Variants in ZNF487 observed in about 807,000 individuals in gnomAD.
ZNF487 encodes KRAB domain only 1.
A neutral mutation model predicts 3.0 loss-of-function variants in ZNF487; 4 were observed. The ratio of observed to expected loss-of-function variants is 1.35; its 90% CI spans 0.66 to 3.08. The LOEUF is 3.08. ZNF487 is among the 30% of genes most tolerant of loss of function. The pLI is 0.01. For missense variants in ZNF487, 146 were observed against 98.7 expected, an observed-to-expected ratio of 1.48 and a Z score of -2.03; for synonymous variants, 55 against 34.6, an observed-to-expected ratio of 1.59 and a Z score of -2.06.
chr10:43,496,235 G>A, the ZNF487 span, among the ~76,000 whole-genome samples: 1 of 152,102 alleles, frequency 6.6e-6, no homozygotes, highest in East Asian at 1.9e-4. Flanking sequence ...TTATTTTTTA[G>A]GGTTGAAATT....
At chr10:43,446,052 A>G (rs1339208041) in intron 1 of ZNF487, among the ~76,000 whole-genome samples, 2 of 152,252 alleles carry the variant, frequency 1.3e-5, no homozygotes, top group Non-Finnish European at 1.5e-5. Context: ...AGTACAGAAC[A>G]AAATGGAGTC....
intron 1 of ZNF487, among the ~76,000 whole-genome samples, chr10:43,451,068 T>C (rs1375072005): frequency 6.6e-6 from 1 of 151,456 alleles, no homozygotes; most frequent in East Asian, 2.0e-4. Context: ...TGCCCCAGCC[T>C]CCCTAATAGC....
chr10:43,479,953 ACT>A (rs760455085), intron 3 of ZNF487, among the ~76,000 whole-genome samples: 47 of 57,292 alleles, frequency 8.2e-4, no homozygotes, highest in East Asian at 1.6e-3. Flanking sequence ...ACTGCACCTG[ACT>A]CTCTTTCTTT....
At chr10:43,470,121 C>T (rs1840853169) in intron 1 of ZNF487, among the ~76,000 whole-genome samples, 1 of 152,166 alleles carries the variant, frequency 6.6e-6, no homozygotes, top group Admixed American at 6.6e-5. Flanking sequence ...ACTGAATGCA[C>T]ATTATCTTTG....
chr10:43,489,953 C>T, the ZNF487 span, among the ~76,000 whole-genome samples: 1 of 152,116 alleles, frequency 6.6e-6, no homozygotes, highest in African/African-American at 2.4e-5. Flanking sequence ...CCCAAATATC[C>T]AAAGGCAGAT....
the ZNF487 span, among the ~76,000 whole-genome samples, chr10:43,503,036 A>AAG: frequency 6.6e-6 from 1 of 151,884 alleles, no homozygotes; most frequent in Non-Finnish European, 1.5e-5. Flanking sequence ...TCAAAAAAAA[A>AAG]AAAAAAAAAA....
chr10:43,437,117 C>A lies in ZNF487; in HGVS notation c.-239C>A, dbSNP rs1445112459. ...CCCCTCGGCGGCCCCGCCCAGGGAGCGCTGCGGCAGTTTCCATGGTGAGAT... is the reference window on the plus strand; with the variant it reads ...CCCCTCGGCGGCCCCGCCCAGGGAGAGCTGCGGCAGTTTCCATGGTGAGAT... On this transcript the variant is annotated 5_prime_UTR_variant, in exon 1 of 4. Coordinates refer to ENST00000437590, the MANE Select transcript of ZNF487 (RefSeq NM_001355444.3). The A allele has an allele frequency of 3.3e-6, 1 of 302,574 alleles. No individual in the cohort carries two copies. The highest frequency in any genetic ancestry group is 6.5e-6 in the Non-Finnish European group (1 of 154,508). The allele number at this position is 302,574 out of a possible 1,614,324, so 18.7% of individuals were successfully genotyped here.
intron 1 of ZNF487, among the ~76,000 whole-genome samples, chr10:43,468,988 C>CAAAAA (rs59076073): frequency 4.0e-3 from 244 of 60,878 alleles, no homozygotes; most frequent in Middle Eastern, 0.017. Flanking sequence ...GACTCTATCT[C>CAAAAA]AAAAAAAAAA....
intron 1 of ZNF487, among the ~76,000 whole-genome samples, chr10:43,467,396 G>A (rs1352059521): frequency 1.3e-5 from 2 of 150,836 alleles, no homozygotes; most frequent in African/African-American, 2.4e-5. Flanking sequence ...GTAGAGACAG[G>A]GTTTCACCAT....
At chr10:43,518,558 C>T in the ZNF487 span, among the ~76,000 whole-genome samples, 4 of 151,962 alleles carry the variant, frequency 2.6e-5, no homozygotes, top group Non-Finnish European at 4.4e-5. Context: ...GCCATATTGC[C>T]CCTTATCTAT....
intron 1 of ZNF487, among the ~76,000 whole-genome samples, chr10:43,459,011 G>T (rs1419326538): frequency 6.6e-6 from 1 of 152,066 alleles, no homozygotes; most frequent in Non-Finnish European, 1.5e-5. Context: ...GATCTGCCTG[G>T]TAGGGGTATC....
the ZNF487 span, among the ~76,000 whole-genome samples, chr10:43,507,011 G>A: frequency 6.6e-6 from 1 of 152,290 alleles, no homozygotes; most frequent in East Asian, 1.9e-4. Context: ...TTGTGCTTTG[G>A]CCTTCATTGT....
Position 43,469,775 on chromosome 10 carries a change from C to T in ZNF487, c.-93-5946C>T, listed in dbSNP as rs1322748735. ...ACCAGCCCGGCCAACATGGTGAAAC[C>T]CTGTCTCTACCAAAAAATAGAAAAA... On this transcript the variant is annotated intron_variant, in intron 1 of 3. Transcript: ENST00000437590. 3.3e-5 allele frequency among the ~76,000 whole-genome samples: 5 copies of T among 151,986 alleles called. No homozygotes were observed. The East Asian group carries it at 7.8e-4, about 24-fold the overall frequency.
chr10:43,514,442 TTC>T, the ZNF487 span, among the ~76,000 whole-genome samples: 1 of 152,146 alleles, frequency 6.6e-6, no homozygotes, highest in Non-Finnish European at 1.5e-5. Flanking sequence ...TGCTGGCTGA[TTC>T]TCTGTTTTTA....
chr10:43,439,191 G>A (rs559534961), intron 1 of ZNF487, among the ~76,000 whole-genome samples: 2 of 152,038 alleles, frequency 1.3e-5, no homozygotes, highest in East Asian at 1.9e-4. Context: ...GCAGTGAGCC[G>A]AGATCACGCC....
the ZNF487 span, among the ~76,000 whole-genome samples, chr10:43,496,935 C>T: frequency 6.6e-6 from 1 of 152,144 alleles, no homozygotes; most frequent in Non-Finnish European, 1.5e-5. Context: ...AGAGGCACCA[C>T]TGTAAAAGTG....
chr10:43,484,620 C>T (rs947741115), downstream of ZNF487, among the ~76,000 whole-genome samples: 6 of 152,002 alleles, frequency 3.9e-5, no homozygotes, highest in African/African-American at 2.4e-5. Context: ...AAAAAAGTTT[C>T]GTGATTTCTT....
chr10:43,451,712 TG>T (rs1840017711), intron 1 of ZNF487, among the ~76,000 whole-genome samples: 1 of 151,862 alleles, frequency 6.6e-6, no homozygotes, highest in Non-Finnish European at 1.5e-5. Flanking sequence ...ATTACAGGCA[TG>T]GGCCACCACG....
At chr10:43,496,188 T>G in the ZNF487 span, 1 of 454,644 alleles carries the variant, frequency 2.2e-6, no homozygotes, top group Non-Finnish European at 4.6e-6. Context: ...CATTTCTTTT[T>G]TAGCAGTTGA....
Sources: allele counts gnomAD v4.1 joint callset (sites outside exome capture counted in the v4.1 genomes callset), GRCh38; gene constraint gnomAD v4.1.1; transcripts MANE v1.5; gene names NCBI Gene and HGNC (gene_info 2026-07-23, HGNC 2026-07-21).